VGLL4: variants seen among roughly 807,000 people sequenced by gnomAD.
VGLL4 encodes transcription cofactor vestigial-like protein 4.
VGLL4 carries 7 observed loss-of-function variants against 21.0 expected under a neutral mutation model. The observed-to-expected ratio is 0.33, with a 90% confidence interval of 0.19 to 0.63. The LOEUF is 0.63. VGLL4 is among the 20% of genes least tolerant of loss of function. VGLL4 has a pLI of 0.78. For missense variants in VGLL4, 394 were observed against 425.7 expected (o/e 0.93, Z 0.66); for synonymous variants, 222 against 173.2 (o/e 1.28, Z -2.21).
At chr3:11,642,010 A>T (rs2075698136) in intron 1 of VGLL4, among the ~76,000 whole-genome samples, 1 of 150,394 alleles carries the variant, frequency 6.6e-6, no homozygotes, top group Non-Finnish European at 1.5e-5. Context: ...TGTTGGGGGA[A>T]GCGGGGATGG....
intron 1 of VGLL4, among the ~76,000 whole-genome samples, chr3:11,714,304 C>CT (rs2076889767): frequency 6.6e-6 from 1 of 152,172 alleles, no homozygotes; most frequent in African/African-American, 2.4e-5. Context: ...CACACTGAAA[C>CT]TACTGTTATC....
At chr3:11,686,123 G>T (rs1317479193) in intron 2 of VGLL4, among the ~76,000 whole-genome samples, 1 of 152,198 alleles carries the variant, frequency 6.6e-6, no homozygotes, top group Non-Finnish European at 1.5e-5. Flanking sequence ...CAGTAGGGCA[G>T]TTCCTCAAAA....
intron 2 of VGLL4, among the ~76,000 whole-genome samples, chr3:11,578,910 C>T (rs540060506): frequency 9.9e-5 from 15 of 151,980 alleles, no homozygotes; most frequent in Non-Finnish European, 1.8e-4. Context: ...CCACCACGCC[C>T]GGCTAATTTT....
chr3:11,672,258 A>G (rs2125369302), intron 2 of VGLL4, among the ~76,000 whole-genome samples: 1 of 152,356 alleles, frequency 6.6e-6, no homozygotes, highest in South Asian at 2.1e-4. Context: ...CGGAAGGTCA[A>G]TTTCAAATGA....
At position 11,656,949 on chromosome 3, in the gene VGLL4, C is replaced by T. The variant is rs914368783; in HGVS notation, c.64+46022G>A. ...GAGGAGGAGAGGACTGTCCTAAGAG[C>T]GTCTGCAGGGAGGCTGGGAGTAGGC... On this transcript the variant is annotated intron_variant, in intron 2 of 5. Coordinates refer to the VGLL4 transcript ENST00000273038. Among the ~76,000 whole-genome samples, 5 of 152,108 alleles carry T rather than the reference C, an allele frequency of 3.3e-5. 1 individual carries two copies. Among genetic ancestry groups the T allele is most frequent in the Admixed American group, 1.3e-4 (2 of 15,274 alleles).
intron 2 of VGLL4, among the ~76,000 whole-genome samples, chr3:11,689,552 T>C (rs1243660179): frequency 6.6e-6 from 1 of 152,246 alleles, no homozygotes; most frequent in Non-Finnish European, 1.5e-5. Flanking sequence ...TCTTTGAAGA[T>C]ACCGACTAAC....
At chr3:11,704,794 CG>C (rs1483132277) in intron 1 of VGLL4, among the ~76,000 whole-genome samples, 1 of 152,152 alleles carries the variant, frequency 6.6e-6, no homozygotes, top group Non-Finnish European at 1.5e-5. Flanking sequence ...CAACCCAAAA[CG>C]CATCTCAGGG....
rs141151996 is a variant in VGLL4, at chr3:11,580,873, G to A, written c.273-15854C>T. On this transcript the variant is annotated intron_variant, in intron 2 of 4. Coordinates refer to ENST00000430365, the MANE Select transcript of VGLL4 (RefSeq NM_001128219.3). ...TGTTGTAATCAACAGTGAGCATTTCGGAGACTTATAAGCTACATATTTGTG... is the reference window on the plus strand; with the variant it reads ...TGTTGTAATCAACAGTGAGCATTTCAGAGACTTATAAGCTACATATTTGTG... 3.9e-5 allele frequency among the ~76,000 whole-genome samples: 6 copies of A among 152,260 alleles called. No individual in the cohort carries two copies. In the East Asian group the frequency reaches 5.8e-4, roughly 15 times the overall value.
chr3:11,639,257 C>G (rs558714982), intron 1 of VGLL4, among the ~76,000 whole-genome samples: 6 of 152,230 alleles, frequency 3.9e-5, no homozygotes, highest in Non-Finnish European at 5.9e-5. Context: ...TGTCCCTGTC[C>G]CTGCTCCCTG....
chr3:11,585,878 T>A (rs151081057), intron 2 of VGLL4, among the ~76,000 whole-genome samples: 1 of 152,088 alleles, frequency 6.6e-6, no homozygotes, highest in African/African-American at 2.4e-5. Flanking sequence ...CTTTATCATA[T>A]ACAACGTCAC....
intron 2 of VGLL4, among the ~76,000 whole-genome samples, chr3:11,588,451 T>TA (rs2074410406): frequency 1.3e-5 from 2 of 152,220 alleles, no homozygotes; most frequent in African/African-American, 2.4e-5. Flanking sequence ...CAGGGGGTCC[T>TA]ACAGGCAGAC....
intron 2 of VGLL4, among the ~76,000 whole-genome samples, chr3:11,690,290 C>T (rs1229983154): frequency 6.6e-6 from 1 of 152,086 alleles, no homozygotes; most frequent in African/African-American, 2.4e-5. Context: ...AGGTAGGCAT[C>T]CTTTCAAATT....
At chr3:11,673,800 G>A (rs2076250103) in intron 2 of VGLL4, among the ~76,000 whole-genome samples, 1 of 151,954 alleles carries the variant, frequency 6.6e-6, no homozygotes, top group Non-Finnish European at 1.5e-5. Context: ...GATCACTTGA[G>A]GTCAGGGGTT....
intron 1 of VGLL4, among the ~76,000 whole-genome samples, chr3:11,637,111 T>C (rs183964178): frequency 3.6e-4 from 54 of 149,384 alleles, no homozygotes; most frequent in African/African-American, 1.3e-3. Flanking sequence ...GTAGTAAAGG[T>C]ATAAAGAAAA....
intron 2 of VGLL4, among the ~76,000 whole-genome samples, chr3:11,679,381 T>A (rs1047428103): frequency 3.3e-5 from 5 of 151,750 alleles, no homozygotes; most frequent in African/African-American, 9.7e-5. Flanking sequence ...AAAAAAAAAA[T>A]TTAGTAGAAA....
chr3:11,718,438 A>C (rs1227432680), intron 1 of VGLL4, among the ~76,000 whole-genome samples: 1 of 152,182 alleles, frequency 6.6e-6, no homozygotes, highest in African/African-American at 2.4e-5. Context: ...AGGTCTCCTT[A>C]AACTGCCCAC....
chr3:11,705,181 T>C (rs1168359901), intron 1 of VGLL4, among the ~76,000 whole-genome samples: 2 of 152,204 alleles, frequency 1.3e-5, no homozygotes, highest in African/African-American at 4.8e-5. Context: ...TAGTCATCCA[T>C]GCGTTCTGGG....
At chr3:11,612,839 C>G (rs1575453109) in intron 1 of VGLL4, among the ~76,000 whole-genome samples, 1 of 152,232 alleles carries the variant, frequency 6.6e-6, no homozygotes, top group South Asian at 2.1e-4. Context: ...ACACCAAGTG[C>G]ACAGTCCTCC....
At chr3:11,701,635 T>G (rs1041805538) in intron 2 of VGLL4, among the ~76,000 whole-genome samples, 1 of 152,188 alleles carries the variant, frequency 6.6e-6, no homozygotes, top group African/African-American at 2.4e-5. Flanking sequence ...GTAGGTATTG[T>G]TGCTCCATGT....
Sources: allele counts gnomAD v4.1 joint callset (sites outside exome capture counted in the v4.1 genomes callset), GRCh38; gene constraint gnomAD v4.1.1; transcripts MANE v1.5; gene names NCBI Gene and HGNC (gene_info 2026-07-23, HGNC 2026-07-21).